The following FUT8 variants were observed in gnomAD, a reference collection of about 807,000 sequenced individuals.
FUT8 encodes the protein fucosyltransferase 8, also known as alpha-(1,6)-fucosyltransferase.
Under a neutral mutation model 71.3 loss-of-function variants are expected in FUT8, and 29 were observed. The observed-to-expected ratio is 0.41, with a 90% confidence interval of 0.30 to 0.55. The LOEUF is 0.55. FUT8 is among the 20% of genes least tolerant of loss of function. The pLI, the probability that FUT8 is intolerant of heterozygous loss-of-function variation, is 0.34. For synonymous variants in FUT8, 254 were observed against 239.3 expected (o/e 1.06, Z -0.57); for missense variants, 544 against 702.1 (o/e 0.77, Z 2.55).
At chr14:65,517,032 G>A (rs1272054094) in intron 2 of FUT8, among the ~76,000 whole-genome samples, 1 of 151,356 alleles carries the variant, frequency 6.6e-6, no homozygotes, top group Non-Finnish European at 1.5e-5. Context: ...CCATATTGTA[G>A]CATGTATCAG....
At chr14:65,640,674 A>C (rs998618431) in intron 6 of FUT8, among the ~76,000 whole-genome samples, 1 of 152,114 alleles carries the variant, frequency 6.6e-6, no homozygotes, top group Non-Finnish European at 1.5e-5. Flanking sequence ...GCTACATTAG[A>C]GAGTATTAAC....
chr14:65,415,170 A>G (rs1195196573), intron 1 of FUT8, among the ~76,000 whole-genome samples: 1 of 152,198 alleles, frequency 6.6e-6, no homozygotes, highest in Non-Finnish European at 1.5e-5. Flanking sequence ...ATATTAGTAC[A>G]TTGGTCTGGA....
rs1309056914 is a variant in FUT8, at chr14:65,608,031, C to G, written c.204-7947C>G. ...AGTGAGCCGAGATTGTGCCACTGCA[C>G]TCCAGCCTGGCAACAAAGCTAGACT... is the stretch of plus-strand genomic sequence containing the variant. On this transcript the variant is annotated intron_variant, in intron 3 of 10. Transcript: ENST00000673929. Among the ~76,000 whole-genome samples, 14 of 145,580 alleles carry G rather than the reference C, an allele frequency of 9.6e-5. 1 individual carries two copies. Among genetic ancestry groups the G allele is most frequent in the African/African-American group, 2.5e-4 (10 of 39,376 alleles).
At chr14:65,551,824 C>T (rs1009412655) in intron 2 of FUT8, among the ~76,000 whole-genome samples, 12 of 152,138 alleles carry the variant, frequency 7.9e-5, no homozygotes, top group Non-Finnish European at 1.3e-4. Flanking sequence ...ACACAGTTAT[C>T]GTAATCATTG....
intron 1 of FUT8, among the ~76,000 whole-genome samples, chr14:65,421,408 A>T (rs556677751): frequency 1.2e-3 from 186 of 152,196 alleles, no homozygotes; most frequent in Non-Finnish European, 1.8e-3. Context: ...ACATGGTGTA[A>T]CTTTATGGCA....
chr14:65,460,438 T>G lies in FUT8; in HGVS notation c.-228+4720T>G, dbSNP rs146166481. 1.4e-4 allele frequency among the ~76,000 whole-genome samples: 21 copies of G among 152,338 alleles called. No homozygotes were observed. The East Asian group carries it at 4.0e-3, about 29-fold the overall frequency. ...GATTGGAGTTTCATTAAGCTCAGGT[T>G]TTCTTGTCCTGTAATGCAACCCACA... On this transcript the variant is annotated intron_variant, in intron 2 of 10. Transcript: ENST00000673929.
At chr14:65,412,599 C>G, upstream of FUT8, 1 of 315,810 alleles carries the variant, frequency 3.2e-6, no homozygotes, top group Non-Finnish European at 6.2e-6. Flanking sequence ...TGCTGCTACG[C>G]TCTCCACCGG....
intron 2 of FUT8, among the ~76,000 whole-genome samples, chr14:65,549,848 G>A (rs1474641047): frequency 1.6e-4 from 24 of 152,044 alleles, no homozygotes; most frequent in Admixed American, 1.6e-3. Context: ...TCCTGAGACT[G>A]GGTACTTTAT....
rs571429941 is a variant in FUT8, at chr14:65,426,734, T to A, written c.-326+13520T>A. On this transcript the variant is annotated intron_variant, in intron 1 of 10. Coordinates refer to ENST00000673929, the MANE Select transcript of FUT8 (RefSeq NM_001371533.1). ...ACACCTGCTGTTTTTCAAGTGCCTT[T>A]GACTCAAAATAGTCAATATGTCAGA... Among the ~76,000 whole-genome samples the A allele has an allele frequency of 1.1e-4, 17 of 152,352 alleles. No individual in the cohort carries two copies. The South Asian group carries it at 3.5e-3, about 32-fold the overall frequency.
At chr14:65,493,036 C>T (rs1328667125) in intron 2 of FUT8, among the ~76,000 whole-genome samples, 1 of 152,056 alleles carries the variant, frequency 6.6e-6, no homozygotes, top group Non-Finnish European at 1.5e-5. Flanking sequence ...CAGATAGGAG[C>T]TTGTTGATTT....
chr14:65,741,005 G>A (rs1029320911), intron 10 of FUT8, among the ~76,000 whole-genome samples: 5 of 152,030 alleles, frequency 3.3e-5, no homozygotes, highest in Admixed American at 1.3e-4. Context: ...TATTGGTATA[G>A]TGACAATAAA....
intron 7 of FUT8, among the ~76,000 whole-genome samples, chr14:65,690,437 A>C (rs1012593440): frequency 6.6e-6 from 1 of 152,200 alleles, no homozygotes. Context: ...CAGGATTTCA[A>C]TTGTGATTGT....
chr14:65,362,860 G>T, the FUT8 span, among the ~76,000 whole-genome samples: 1 of 151,892 alleles, frequency 6.6e-6, no homozygotes, highest in East Asian at 1.9e-4. Flanking sequence ...TACTCAGGAG[G>T]CTGAGGCAGG....
At chr14:65,717,179 C>T (rs1411857687) in intron 7 of FUT8, among the ~76,000 whole-genome samples, 2 of 134,326 alleles carry the variant, frequency 1.5e-5, no homozygotes, top group African/African-American at 5.7e-5. Flanking sequence ...TCTCACCTCC[C>T]AGACGGGGCG....
chr14:65,540,722 A>G (rs892559802), intron 2 of FUT8, among the ~76,000 whole-genome samples: 6 of 152,370 alleles, frequency 3.9e-5, no homozygotes, highest in East Asian at 3.9e-4. Context: ...AACACTGTTG[A>G]GATGGAATGG....
chr14:65,644,645 G>A (rs2140306011), intron 6 of FUT8, among the ~76,000 whole-genome samples: 1 of 152,256 alleles, frequency 6.6e-6, no homozygotes, highest in East Asian at 1.9e-4. Context: ...ACAGGTGTGA[G>A]CCACCGCGCC....
chr14:65,723,446 G>C (rs1895526052), intron 8 of FUT8, among the ~76,000 whole-genome samples: 1 of 152,092 alleles, frequency 6.6e-6, no homozygotes, highest in Non-Finnish European at 1.5e-5. Flanking sequence ...ACAATTTTGG[G>C]GCTTTTCTTA....
At chr14:65,478,327 A>G (rs555898467) in intron 2 of FUT8, among the ~76,000 whole-genome samples, 2 of 152,278 alleles carry the variant, frequency 1.3e-5, no homozygotes, top group South Asian at 2.1e-4. Flanking sequence ...CTGAAATCCA[A>G]AACGTTCCAA....
intron 2 of FUT8, among the ~76,000 whole-genome samples, chr14:65,494,325 C>A (rs1166542931): frequency 6.6e-6 from 1 of 152,114 alleles, no homozygotes; most frequent in African/African-American, 2.4e-5. Context: ...ACACTTATAG[C>A]ACATCTCAGT....
Sources: gnomAD v4.1 joint callset for allele counts (sites outside exome capture counted in the v4.1 genomes callset) on GRCh38, gnomAD v4.1.1 for gene constraint, MANE v1.5 for transcripts, NCBI Gene and HGNC (gene_info 2026-07-23, HGNC 2026-07-21) for gene names.